LYST: variants seen among roughly 807,000 people sequenced by gnomAD.
The protein encoded by LYST is lysosomal-trafficking regulator.
LYST carries 192 observed loss-of-function variants against 413.6 expected under a neutral mutation model. The ratio of observed to expected loss-of-function variants is 0.46; its 90% CI spans 0.41 to 0.52. The LOEUF (loss-of-function observed/expected upper bound fraction) is 0.52. Among genes scored for constraint, LYST ranks in the 20% least tolerant of loss-of-function variants. LYST has a pLI of 0.00. For missense variants in LYST, 3,815 were observed against 4,499.9 expected, an observed-to-expected ratio of 0.85 and a Z score of 4.35; for synonymous variants, 1,525 against 1,567.3, an observed-to-expected ratio of 0.97 and a Z score of 0.64.
At chr1:235,774,650 A>G (rs1304691593) in intron 18 of LYST, among the ~76,000 whole-genome samples, 1 of 152,218 alleles carries the variant, frequency 6.6e-6, no homozygotes, top group Non-Finnish European at 1.5e-5. Context: ...CATGGGAGAT[A>G]TCTATGGCCC....
chr1:235,825,633 G>A (rs1257230636), intron 3 of LYST, among the ~76,000 whole-genome samples: 1 of 152,076 alleles, frequency 6.6e-6, no homozygotes, highest in East Asian at 1.9e-4. Context: ...CAAACAACAG[G>A]CAGGACCTCT....
chr1:235,667,724 C>T (rs565587999), intron 50 of LYST, among the ~76,000 whole-genome samples: 44 of 151,392 alleles, frequency 2.9e-4, no homozygotes, highest in African/African-American at 9.2e-4. Context: ...TGGAGTGCAG[C>T]GGTACAATCT....
At position 235,702,761 on chromosome 1, in the gene LYST, C is replaced by A; in HGVS notation, c.10360G>T (p.Glu3454Ter). 1 of 1,614,100 alleles carries A rather than the reference C, an allele frequency of 6.2e-7. No homozygotes were observed. Among genetic ancestry groups the A allele is most frequent in the Non-Finnish European group, 8.5e-7 (1 of 1,179,948 alleles). ...AFRETREQVKEITYPSPLSWI... is the reference protein window; with the variant it reads ...AFRETREQVK ...AAATGACATACCGGATAGGTGATTT[C>A]TTTGACCTGTTCTCGGGTCTCCCTG... Residue 3454 changes from glutamate (E) to a stop codon, truncating the protein, a stop_gained, in exon 45 of 53, where the codon GAA (glutamate) becomes TAA (stop). Coordinates refer to ENST00000389793, the MANE Select transcript of LYST (RefSeq NM_000081.4). LOFTEE classifies it high-confidence loss of function.
In LYST at chr1:235,681,438, G is replaced by A. The variant is rs575938459; in HGVS notation, c.10801-3819C>T. On this transcript the variant is annotated intron_variant, in intron 48 of 52. Coordinates refer to ENST00000389793, the MANE Select transcript of LYST (RefSeq NM_000081.4). Reference sequence around the variant, plus strand: ...TACATTTTATCCCCGAAGCAATAAAGGGTCACTGAAGTGTCTGGGGCAGGA... The same window carrying A: ...TACATTTTATCCCCGAAGCAATAAAAGGTCACTGAAGTGTCTGGGGCAGGA... Among the ~76,000 whole-genome samples, 5 of 152,266 alleles carry A rather than the reference G, an allele frequency of 3.3e-5. No individual in the cohort carries two copies. In the South Asian group the frequency reaches 1.0e-3, roughly 32 times the overall value.
Position 235,693,380 on chromosome 1 carries a change from T to G in LYST, c.10671A>C (p.Val3557=). The change falls in exon 47 of 53, where the codon GTA becomes GTC. Residue 3557 remains valine (V), a synonymous_variant. Transcript: ENST00000389793. Reference sequence around the variant, plus strand: ...ACTGTTGTGAACTTTGAATAAAGTTTACTGGAGGCTCACTTTGTTTACTCT... The same window carrying G: ...ACTGTTGTGAACTTTGAATAAAGTTGACTGGAGGCTCACTTTGTTTACTCT... ...RLKSKQSEPP[V]NFIQSSQQYQ... 1.2e-6 allele frequency: 2 copies of G among 1,612,928 alleles called. No homozygotes were observed. Among genetic ancestry groups the G allele is most frequent in the South Asian group, 1.1e-5 (1 of 91,054 alleles).
intron 1 of LYST, among the ~76,000 whole-genome samples, chr1:235,849,287 T>C (rs1456550188): frequency 1.3e-5 from 2 of 152,138 alleles, no homozygotes; most frequent in Non-Finnish European, 2.9e-5. Context: ...TCTCAATAGA[T>C]GCAGAAAAAG....
At chr1:235,669,902 G>A (rs1199378156) in intron 50 of LYST, among the ~76,000 whole-genome samples, 1 of 152,168 alleles carries the variant, frequency 6.6e-6, no homozygotes, top group Non-Finnish European at 1.5e-5. Flanking sequence ...CAGTGACACT[G>A]GGAGCAGAGT....
At chr1:235,830,777 T>C (rs1028232080) in intron 2 of LYST, among the ~76,000 whole-genome samples, 1 of 152,194 alleles carries the variant, frequency 6.6e-6, no homozygotes, top group African/African-American at 2.4e-5. Flanking sequence ...GCTTTATATA[T>C]TTTATAATAA....
chr1:235,721,852 T>A (rs561724750), intron 39 of LYST, among the ~76,000 whole-genome samples: 1 of 152,334 alleles, frequency 6.6e-6, no homozygotes, highest in African/African-American at 2.4e-5. Context: ...TGTTCAAAAT[T>A]CTGAAGAACT....
intron 50 of LYST, among the ~76,000 whole-genome samples, chr1:235,676,592 T>C (rs1392576125): frequency 6.6e-6 from 1 of 152,224 alleles, no homozygotes; most frequent in Non-Finnish European, 1.5e-5. Context: ...TTTCTGCCTA[T>C]GAAGCCTACC....
intron 1 of LYST, 42 bp from the exon 2 acceptor site, chr1:235,833,709 A>G: frequency 1.0e-5 from 4 of 383,496 alleles, no homozygotes; most frequent in Non-Finnish European, 1.4e-5. Context: ...GTAAACCACA[A>G]ATAATTTTAA....
chr1:235,759,244 A>G lies in LYST; in HGVS notation c.6609T>C (p.Asp2203=). The change falls in exon 23 of 53, where the codon GAT becomes GAC. Residue 2203 remains aspartate, a synonymous_variant. Coordinates refer to ENST00000389793, the MANE Select transcript of LYST (RefSeq NM_000081.4). ...TGGGTTCTGCTCCCAACTGTTTATG[A>G]TCTGCTTTGACCACTGGAAATCCCA... ...GVLGFPVVKA[D]HKQLGAEPRS... The G allele has an allele frequency of 6.2e-7, 1 of 1,614,078 alleles. No homozygotes were observed. Among genetic ancestry groups the G allele is most frequent in the Non-Finnish European group, 8.5e-7 (1 of 1,180,020 alleles).
Position 235,715,213 on chromosome 1 carries a change from A to C in LYST, c.9772T>G (p.Leu3258Val), listed in dbSNP as rs1051849546. 1 of 1,614,030 alleles carries C rather than the reference A, an allele frequency of 6.2e-7. No homozygotes were observed. The highest frequency in any genetic ancestry group is 8.5e-7 in the Non-Finnish European group (1 of 1,179,946). ...VRMPPFTKMF[L>V]AYQDQSFDIP... ...ATTAAATTCTTACCTTGATAGGCTA[A>C]AAACATTTTAGTGAAAGGAGGCATC... Residue 3258 changes from leucine (L) to valine (V), a missense_variant, in exon 42 of 53, where the codon TTA becomes GTA. Leu to Val is a conservative substitution (Grantham distance 32). Transcript: ENST00000389793.
In LYST at chr1:235,809,120, C is replaced by G; in HGVS notation, c.1698G>C (p.Leu566Phe). Residue 566 changes from leucine (L) to phenylalanine (F), a missense_variant, in exon 5 of 53, where the codon TTG becomes TTC. Transcript: ENST00000389793. The surrounding 1 kb of genome is among the most constrained non-coding windows in gnomAD (Gnocchi z 4.0). ...QCLRLLQQASLSSTCVQILSG... is the reference protein window; with the variant it reads ...QCLRLLQQASFSSTCVQILSG... ...ATAGGATCTGGACACAAGTGCTGCT[C>G]AAGGAAGCCTGCTGTAGTAAGCGCA... The G allele has an allele frequency of 3.1e-6, 5 of 1,614,068 alleles. No homozygotes were observed. The highest frequency in any genetic ancestry group is 4.2e-6 in the Non-Finnish European group (5 of 1,179,966).
Position 235,755,501 on chromosome 1 carries a change from A to G in LYST, c.7206T>C (p.Gly2402=), listed in dbSNP as rs1444277402. The change falls in exon 25 of 53, where the codon GGT becomes GGC. Residue 2402 remains glycine, a synonymous_variant. Transcript: ENST00000389793. The part of the protein sequence containing the change: ...LLECFIEMFF[G]RHIGLDEEFD... ...ACTCTTCATCAAGGCCAATATGTCGACCAAAGAACATTTCGATGAAGCATT... is the reference window on the plus strand; with the variant it reads ...ACTCTTCATCAAGGCCAATATGTCGGCCAAAGAACATTTCGATGAAGCATT... 4.3e-6 allele frequency: 7 copies of G among 1,613,786 alleles called. No homozygotes were observed. The African/African-American group carries it at 9.3e-5, about 22-fold the overall frequency.
intron 28 of LYST, among the ~76,000 whole-genome samples, chr1:235,747,573 T>C (rs1290743165): frequency 6.6e-6 from 1 of 152,156 alleles, no homozygotes; most frequent in Non-Finnish European, 1.5e-5. Context: ...ATCCTGTATA[T>C]ATTCAAGAGT....
intron 2 of LYST, among the ~76,000 whole-genome samples, chr1:235,831,235 C>T (rs116678985): frequency 0.011 from 1,743 of 152,298 alleles, 43 homozygotes; most frequent in African/African-American, 0.04. Context: ...CAGGGGGAAG[C>T]CCTCCCCACA....
At position 235,805,982 on chromosome 1, in the gene LYST, G is replaced by A; in HGVS notation, c.3154C>T (p.Leu1052=). The A allele has an allele frequency of 1.9e-6, 3 of 1,613,634 alleles. No homozygotes were observed. Among genetic ancestry groups the A allele is most frequent in the Non-Finnish European group, 2.5e-6 (3 of 1,179,658 alleles). ...TCAGCACTCTTTTTTAGACTACCTA[G>A]TTCTGATGGTATGGGGTCACTTTTT... ...AIKSDPIPSE[L]GSLKKSADSL... The change falls in exon 6 of 53, where the codon CTA becomes TTA. Residue 1052 remains leucine, a synonymous_variant. Coordinates refer to ENST00000389793, the MANE Select transcript of LYST (RefSeq NM_000081.4).
At chr1:235,802,773 A>G in intron 8 of LYST, 135 bp downstream of exon 8, 1 of 781,366 alleles carries the variant, frequency 1.3e-6, no homozygotes, top group South Asian at 1.5e-5. Context: ...TGGGAAGATC[A>G]ATAAAAAGAT....
Sources: gnomAD v4.1 joint callset for allele counts (sites outside exome capture counted in the v4.1 genomes callset) on GRCh38, gnomAD v4.1.1 for gene constraint, Gnocchi (gnomAD v3.1) non-coding constraint, MANE v1.5 for transcripts, NCBI Gene and HGNC (gene_info 2026-07-23, HGNC 2026-07-21) for gene names.